The following SYT12 variants were observed in gnomAD, a reference collection of about 807,000 sequenced individuals.
SYT12 encodes the protein synaptotagmin 12.
Under a neutral mutation model 39.5 loss-of-function variants are expected in SYT12, and 27 were observed. That is an observed-to-expected ratio of 0.68 (90% CI 0.50 to 0.94). SYT12 has a LOEUF of 0.94. SYT12 is among the 40% of genes least tolerant of loss of function. The probability of loss-of-function intolerance (pLI) is 0.00; values close to 1 mark genes in which losing one functional copy is unlikely to be tolerated. For synonymous variants in SYT12, 233 were observed against 239.7 expected, an observed-to-expected ratio of 0.97 and a Z score of 0.26; for missense variants, 536 against 572.6, an observed-to-expected ratio of 0.94 and a Z score of 0.65.
rs748570396 is a variant in SYT12 at position 67,048,620 on chromosome 11, A to G, written c.1129A>G (p.Ser377Gly). ...SLRVTVAESSSDGRGDNVGHV... is the reference protein window; with the variant it reads ...SLRVTVAESSGDGRGDNVGHV... ...CCGCGTGACGGTGGCTGAGAGCAGC[A>G]GCGACGGCCGTGGGGACAACGTGGG... The change falls in exon 8 of 8, where the codon AGC becomes GGC. Residue 377 changes from serine (S) to glycine (G), a missense_variant. Ser to Gly is a moderately conservative substitution (Grantham distance 56). Coordinates refer to ENST00000527043, the MANE Select transcript of SYT12 (RefSeq NM_177963.4). 1.9e-6 allele frequency: 3 copies of G among 1,608,146 alleles called. No individual in the cohort carries two copies. The highest frequency in any genetic ancestry group is 1.7e-6 in the Non-Finnish European group (2 of 1,175,352).
chr11:67,043,318 C>A (rs944832363), intron 4 of SYT12, among the ~76,000 whole-genome samples: 1 of 152,230 alleles, frequency 6.6e-6, no homozygotes, highest in Non-Finnish European at 1.5e-5. Context: ...TAGACTCGAA[C>A]AGATGCAAGA....
At chr11:67,022,941 C>CCTTT (rs1249201558), upstream of SYT12, 5 of 152,200 alleles carry the variant, frequency 3.3e-5, no homozygotes, top group African/African-American at 1.2e-4. Context: ...GAAACTGAGG[C>CCTTT]CTAGAAAGAG....
chr11:67,038,639 A>G (rs940365794), intron 3 of SYT12, among the ~76,000 whole-genome samples: 14 of 152,086 alleles, frequency 9.2e-5, no homozygotes, highest in Non-Finnish European at 1.2e-4. Context: ...TCTAAACATC[A>G]CTGCAATCGA....
intron 2 of SYT12, chr11:67,032,532 C>T (rs1022642730): frequency 1.3e-5 from 2 of 152,270 alleles, no homozygotes; most frequent in African/African-American, 2.4e-5. Context: ...CCGGCTCTGC[C>T]GTTTCTCACC....
chr11:67,031,795 G>T (rs1310063005), intron 2 of SYT12: 2 of 152,236 alleles, frequency 1.3e-5, no homozygotes, highest in African/African-American at 4.8e-5. Context: ...AGGCACAGGG[G>T]AGCCTGAACC....
At chr11:67,044,790 C>A (rs2136232096) in intron 6 of SYT12, 77 bp downstream of exon 6, 1 of 1,583,518 alleles carries the variant, frequency 6.3e-7, no homozygotes, top group African/African-American at 1.3e-5. Flanking sequence ...CTGTGGGCAC[C>A]CGGAGGCATC....
intron 3 of SYT12, among the ~76,000 whole-genome samples, chr11:67,036,398 T>G (rs776981896): frequency 6.6e-6 from 1 of 152,252 alleles, no homozygotes; most frequent in Non-Finnish European, 1.5e-5. Flanking sequence ...TTTGGGATAG[T>G]GTGCTTTGGA....
At chr11:67,032,280 G>C (rs1950283650) in intron 2 of SYT12, 1 of 152,190 alleles carries the variant, frequency 6.6e-6, no homozygotes. Flanking sequence ...TCCCAAGACA[G>C]AGCCACCAGC....
intron 1 of SYT12, among the ~76,000 whole-genome samples, chr11:67,008,249 C>T (rs1210126901): frequency 1.3e-5 from 2 of 152,106 alleles, no homozygotes; most frequent in Admixed American, 6.6e-5. Context: ...CCATCACACC[C>T]GGCCAGGAAG....
chr11:67,025,153 G>A (rs1950164117), intron 1 of SYT12, among the ~76,000 whole-genome samples: 1 of 152,172 alleles, frequency 6.6e-6, no homozygotes, highest in African/African-American at 2.4e-5. Context: ...GTGACCTGGG[G>A]CCCCAGCTTC....
upstream of SYT12, among the ~76,000 whole-genome samples, chr11:67,018,315 C>T (rs752634765): frequency 6.6e-6 from 1 of 151,458 alleles, no homozygotes; most frequent in African/African-American, 2.4e-5. Context: ...TCTGGGTACA[C>T]TGCCTGTGGG....
intron 3 of SYT12, 100 bp from the exon 4 acceptor site, chr11:67,039,711 G>T: frequency 2.1e-6 from 3 of 1,411,394 alleles, no homozygotes; most frequent in Non-Finnish European, 2.8e-6. Flanking sequence ...GGAACTTGGA[G>T]ATTCGAGAAT....
At chr11:67,017,185 T>C (rs926298288) in intron 3 of SYT12, among the ~76,000 whole-genome samples, 1 of 152,138 alleles carries the variant, frequency 6.6e-6, no homozygotes, top group African/African-American at 2.4e-5. Flanking sequence ...TTCAAGTTCA[T>C]GTCTTCCTGA....
intron 7 of SYT12, among the ~76,000 whole-genome samples, chr11:67,046,651 C>G (rs1264112756): frequency 6.6e-6 from 1 of 152,234 alleles, no homozygotes; most frequent in African/African-American, 2.4e-5. Flanking sequence ...GTAGCCTTCA[C>G]CTGCCACCCT....
At position 67,034,777 on chromosome 11, in the gene SYT12, A is replaced by G. The variant is rs1267410076; in HGVS notation, c.167A>G (p.Asn56Ser). The G allele has an allele frequency of 5.0e-6, 8 of 1,601,462 alleles. No homozygotes were observed. The highest frequency in any genetic ancestry group is 1.4e-5 in the African/African-American group (1 of 74,020). Residue 56 changes from asparagine (N) to serine (S), a missense_variant, in exon 3 of 8, where the codon AAT becomes AGT. Transcript: ENST00000527043. ...TTCCCCAGCCCCTCTCCGTTCCCCA[A>G]TTACGACTACAGGTACCTTCAGCAG... ...GSFPSPSPFP[N>S]YDYRYLQQKY...
Position 67,048,588 on chromosome 11 carries a change from T to C in SYT12, c.1097T>C (p.Leu366Pro). 6.3e-7 allele frequency: 1 copy of C among 1,596,606 alleles called. No homozygotes were observed. The highest frequency in any genetic ancestry group is 2.3e-5 in the East Asian group (1 of 44,316). Reference protein sequence around the residue: ...FSVPAIVLQDLSLRVTVAESS... With the variant: ...FSVPAIVLQDPSLRVTVAESS... Reference sequence around the variant, plus strand: ...CCCATGTTGCCTCTTCCTCAGGACCTGTCTCTCCGCGTGACGGTGGCTGAG... The same window carrying C: ...CCCATGTTGCCTCTTCCTCAGGACCCGTCTCTCCGCGTGACGGTGGCTGAG... Residue 366 changes from leucine (L) to proline (P), a missense_variant, in exon 8 of 8, where the codon CTG becomes CCG. By Grantham distance (98) the Leu-to-Pro change is moderately conservative. Coordinates refer to ENST00000527043, the MANE Select transcript of SYT12 (RefSeq NM_177963.4).
At position 67,024,173 on chromosome 11, in the gene SYT12, A is replaced by G. The variant is rs559388623; in HGVS notation, c.-24+713A>G. On this transcript the variant is annotated intron_variant, in intron 1 of 7. Coordinates refer to ENST00000527043, the MANE Select transcript of SYT12 (RefSeq NM_177963.4). Reference sequence around the variant, plus strand: ...GGGAGCTCTCTTCCAGGGGCTGCAGAGAGACTGTGTGCACCCTCCTCCATT... The same window carrying G: ...GGGAGCTCTCTTCCAGGGGCTGCAGGGAGACTGTGTGCACCCTCCTCCATT... Among the ~76,000 whole-genome samples the G allele has an allele frequency of 2.6e-5, 4 of 152,346 alleles. No homozygotes were observed. In the South Asian group the frequency reaches 8.3e-4, roughly 32 times the overall value.
chr11:67,021,312 C>T (rs1210480479), upstream of SYT12, among the ~76,000 whole-genome samples: 2 of 152,060 alleles, frequency 1.3e-5, no homozygotes, highest in East Asian at 3.8e-4. Context: ...ACTGGACCAG[C>T]CTCAACTTTG....
chr11:67,044,551 C>G (rs745642175), intron 5 of SYT12, 42 bp from the exon 6 acceptor site: 5 of 1,600,334 alleles, frequency 3.1e-6, no homozygotes, highest in Non-Finnish European at 4.3e-6. Context: ...CCCCTCAAGT[C>G]GGGTGGGGAG....
Sources: allele counts gnomAD v4.1 joint callset (sites outside exome capture counted in the v4.1 genomes callset), GRCh38; gene constraint gnomAD v4.1.1; transcripts MANE v1.5; gene names NCBI Gene and HGNC (gene_info 2026-07-23, HGNC 2026-07-21).